EFL1: variants seen among roughly 807,000 people sequenced by gnomAD.
EFL1 encodes elongation factor like GTPase 1.
A neutral mutation model predicts 126.7 loss-of-function variants in EFL1; 76 were observed. That is an observed-to-expected ratio of 0.60 (90% CI 0.50 to 0.73). The LOEUF is 0.73. EFL1 is among the 30% of genes least tolerant of loss of function. EFL1 has a pLI of 0.00. For synonymous variants in EFL1, 410 were observed against 448.4 expected (o/e 0.91, Z 1.08); for missense variants, 1,128 against 1,343.2 (o/e 0.84, Z 2.50).
chr15:82,156,133 T>A (rs1484401466), intron 17 of EFL1, among the ~76,000 whole-genome samples: 1 of 152,214 alleles, frequency 6.6e-6, no homozygotes, highest in East Asian at 1.9e-4. Context: ...TTGAAGATAT[T>A]CTCTTATACT....
At position 82,240,431 on chromosome 15, in the gene EFL1, T is replaced by C. The variant is rs1259585255; in HGVS notation, c.503A>G (p.Asn168Ser). ...AAATTAAAATACCTGTTCTAAAATA[T>C]TCTTGAGGTGAGAATAGGCCTCTTG... ...TPQEAYSHLK[N>S]ILEQINALTG... Residue 168 changes from asparagine (N) to serine (S), a missense_variant, in exon 6 of 20, where the codon AAT becomes AGT. Transcript: ENST00000268206. The C allele has an allele frequency of 5.0e-6, 8 of 1,601,886 alleles. No individual in the cohort carries two copies. Among genetic ancestry groups the C allele is most frequent in the Non-Finnish European group, 6.0e-6 (7 of 1,173,460 alleles).
At chr15:82,200,433 C>T (rs1192824437) in intron 15 of EFL1, among the ~76,000 whole-genome samples, 3 of 152,168 alleles carry the variant, frequency 2.0e-5, no homozygotes, top group Non-Finnish European at 4.4e-5. Context: ...AGACTGGAAA[C>T]CGGCTCCAAG....
intron 17 of EFL1, 185 bp downstream of exon 17, chr15:82,157,528 T>C: frequency 1.6e-6 from 1 of 637,346 alleles, no homozygotes; most frequent in Non-Finnish European, 2.4e-6. Flanking sequence ...GTGTAGGCAG[T>C]GAATGCCATT....
chr15:82,240,387 T>G (rs1231603848), intron 6 of EFL1, 31 bp downstream of exon 6: 1 of 1,544,058 alleles, frequency 6.5e-7, no homozygotes, highest in South Asian at 1.2e-5. Flanking sequence ...TCTTCGTGGC[T>G]AAATTTTTTA....
chr15:82,149,927 T>G (rs546642858), intron 18 of EFL1, among the ~76,000 whole-genome samples: 28 of 152,276 alleles, frequency 1.8e-4, no homozygotes, highest in African/African-American at 6.7e-4. Flanking sequence ...GAAAAGCTCT[T>G]AGGTCTTCTT....
rs1595991252 is a variant in EFL1, at chr15:82,220,285, G to T, written c.1293-56C>A. 9 of 1,518,708 alleles carry T rather than the reference G, an allele frequency of 5.9e-6. No individual in the cohort carries two copies. In the East Asian group the frequency reaches 2.1e-4, roughly 36 times the overall value. The allele number at this position is 1,518,708 out of a possible 1,614,324, so 94.1% of individuals were successfully genotyped here. ...CTCAGTTCATCCAAGTAGGGAAACA[G>T]CAAGCATTGACATGGCTGGGTAAGA... On this transcript the variant is annotated intron_variant, in intron 12 of 19. Transcript: ENST00000268206.
chr15:82,247,977 C>T (rs1200759839), intron 4 of EFL1, among the ~76,000 whole-genome samples: 1 of 152,036 alleles, frequency 6.6e-6, no homozygotes, highest in Non-Finnish European at 1.5e-5. Context: ...TTCCAAGAGA[C>T]TAATGGTCCA....
chr15:82,183,713 C>G (rs998624719), intron 15 of EFL1, among the ~76,000 whole-genome samples: 2 of 152,196 alleles, frequency 1.3e-5, no homozygotes, highest in Admixed American at 1.3e-4. Flanking sequence ...ACTGGATTTA[C>G]AATAGGCCCT....
At chr15:82,213,099 G>T (rs935688868) in intron 15 of EFL1, among the ~76,000 whole-genome samples, 4 of 152,132 alleles carry the variant, frequency 2.6e-5, no homozygotes, top group African/African-American at 9.7e-5. Context: ...CTATGCAGTT[G>T]GTTTTCTGGT....
chr15:82,227,396 G>C (rs1461154523), intron 11 of EFL1, 54 bp downstream of exon 11: 3 of 1,613,246 alleles, frequency 1.9e-6, no homozygotes, highest in Non-Finnish European at 2.5e-6. Context: ...AGAGCAGCCT[G>C]GATGGAGGAC....
chr15:82,133,600 TA>T (rs2141207428), intron 19 of EFL1, among the ~76,000 whole-genome samples: 1 of 152,362 alleles, frequency 6.6e-6, no homozygotes, highest in East Asian at 1.9e-4. Flanking sequence ...GAATGGCACA[TA>T]GGACCTCCTT....
intron 4 of EFL1, among the ~76,000 whole-genome samples, chr15:82,249,849 C>T (rs981067301): frequency 6.6e-6 from 1 of 152,104 alleles, no homozygotes; most frequent in East Asian, 1.9e-4. Context: ...TGGTTTTCAA[C>T]ACCACTTCTA....
chr15:82,157,836 C>T lies in EFL1; in HGVS notation c.1907G>A (p.Gly636Glu). 3 of 1,613,580 alleles carry T rather than the reference C, an allele frequency of 1.9e-6. No homozygotes were observed. Among genetic ancestry groups the T allele is most frequent in the Non-Finnish European group, 2.5e-6 (3 of 1,179,672 alleles). The change falls in exon 17 of 20, where the codon GGA becomes GAA. Residue 636 changes from glycine to glutamate, a missense_variant. By Grantham distance (98) the Gly-to-Glu change is moderately conservative. This residue lies in a region of EFL1 where 561 missense variants were observed against 641.7 expected (regional missense o/e 0.87). Transcript: ENST00000268206. ...HPSEMPQLVKGMKLLNQADPC... is the reference protein window; with the variant it reads ...HPSEMPQLVKEMKLLNQADPC... ...ATCAGCCTGGTTTAACAGTTTCATT[C>T]CTTTTACGAGCTGAGGCATTTCACC...
At chr15:82,194,125 C>T (rs868573516) in intron 15 of EFL1, among the ~76,000 whole-genome samples, 5 of 152,308 alleles carry the variant, frequency 3.3e-5, no homozygotes, top group Admixed American at 2.0e-4. Flanking sequence ...TCATTGAAAT[C>T]TTTTCCACAG....
At chr15:82,155,289 G>A (rs1410936273) in intron 17 of EFL1, among the ~76,000 whole-genome samples, 3 of 152,046 alleles carry the variant, frequency 2.0e-5, no homozygotes, top group Non-Finnish European at 4.4e-5. Context: ...ATCACTTGAG[G>A]TCAAGAGTTT....
At chr15:82,249,452 C>G (rs1263714357) in intron 4 of EFL1, among the ~76,000 whole-genome samples, 1 of 151,852 alleles carries the variant, frequency 6.6e-6, no homozygotes, top group African/African-American at 2.4e-5. Flanking sequence ...AATATTTGCT[C>G]AGATATAAAA....
At chr15:82,255,729 T>C (rs1207745476) in intron 3 of EFL1, among the ~76,000 whole-genome samples, 8 of 152,348 alleles carry the variant, frequency 5.3e-5, no homozygotes, top group Non-Finnish European at 8.8e-5. Context: ...CAAGAACCAC[T>C]TGAAAGGTTC....
chr15:82,234,379 A>G (rs2074851803), intron 7 of EFL1, among the ~76,000 whole-genome samples: 2 of 152,332 alleles, frequency 1.3e-5, no homozygotes, highest in Admixed American at 1.3e-4. Flanking sequence ...TGAGGCCTAG[A>G]AAGGTGATAA....
chr15:82,212,320 G>A (rs1455316781), intron 15 of EFL1, among the ~76,000 whole-genome samples: 1 of 152,144 alleles, frequency 6.6e-6, no homozygotes, highest in Admixed American at 6.5e-5. Context: ...ATTAAAAGTG[G>A]CTGTTCTATT....
Sources: gnomAD v4.1 joint callset for allele counts (sites outside exome capture counted in the v4.1 genomes callset) on GRCh38, gnomAD v4.1.1 for gene constraint, gnomAD v4.1.1 regional missense constraint, MANE v1.5 for transcripts, NCBI Gene and HGNC (gene_info 2026-07-23, HGNC 2026-07-21) for gene names.